ANO3: variants seen among roughly 807,000 people sequenced by gnomAD.
ANO3 encodes the protein anoctamin-3.
A neutral mutation model predicts 144.8 loss-of-function variants in ANO3; 99 were observed. That is an observed-to-expected ratio of 0.68 (90% confidence interval 0.58 to 0.81). The LOEUF (loss-of-function observed/expected upper bound fraction) is 0.81, where lower values mean the gene tolerates loss of function less well. Among genes scored for constraint, ANO3 ranks in the 30% least tolerant of loss-of-function variants. The pLI is 0.00. For missense variants in ANO3, 905 were observed against 1,202.2 expected (o/e 0.75, Z 3.66); for synonymous variants, 414 against 392.6 (o/e 1.05, Z -0.64).
chr11:26,274,102 T>C (rs954359729), intron 1 of ANO3, among the ~76,000 whole-genome samples: 9 of 152,162 alleles, frequency 5.9e-5, no homozygotes, highest in Non-Finnish European at 1.3e-4. Flanking sequence ...TGAAAATCTC[T>C]TCTGCTCACA....
At chr11:26,462,975 T>C in intron 3 of ANO3, 55 bp from the exon 4 acceptor site, 5 of 920,428 alleles carry the variant, frequency 5.4e-6, no homozygotes, top group Non-Finnish European at 8.1e-6. Flanking sequence ...GTATGTTTAA[T>C]GAAAAAAGAG....
At chr11:26,499,666 T>C (rs1444320714) in intron 4 of ANO3, among the ~76,000 whole-genome samples, 1 of 151,882 alleles carries the variant, frequency 6.6e-6, no homozygotes, top group Non-Finnish European at 1.5e-5. Flanking sequence ...ATGTTGCCTA[T>C]TCCTGCATGA....
intron 14 of ANO3, among the ~76,000 whole-genome samples, chr11:26,580,989 G>A (rs964198446): frequency 1.2e-4 from 18 of 152,130 alleles, no homozygotes; most frequent in African/African-American, 3.1e-4. Context: ...AGAAACTTAC[G>A]TAAACGTTTT....
chr11:26,560,665 A>G (rs1464306645), intron 14 of ANO3: 1 of 154,496 alleles, frequency 6.5e-6, no homozygotes, highest in Admixed American at 6.5e-5. Flanking sequence ...GCAATCTTGA[A>G]TTATGGTACT....
chr11:26,441,987 G>T lies in ANO3; in HGVS notation c.116G>T (p.Cys39Phe). The T allele has an allele frequency of 1.2e-6, 2 of 1,614,116 alleles. No individual in the cohort carries two copies. The highest frequency in any genetic ancestry group is 1.7e-6 in the Non-Finnish European group (2 of 1,180,002). ...AAACCGTCTCGGAGATCCCTGCCTTGCCTCGCCCAGAGCTACGCTTACTCA... is the reference window on the plus strand; with the variant it reads ...AAACCGTCTCGGAGATCCCTGCCTTTCCTCGCCCAGAGCTACGCTTACTCA... ...SLKPSRRSLPCLAQSYAYSKS... is the reference protein window; with the variant it reads ...SLKPSRRSLPFLAQSYAYSKS... Residue 39 changes from cysteine to phenylalanine, a missense_variant, in exon 2 of 27, where the codon TGC becomes TTC. Cys to Phe is a radical substitution (Grantham distance 205). Coordinates refer to ENST00000256737, the MANE Select transcript of ANO3 (RefSeq NM_031418.4).
intron 4 of ANO3, among the ~76,000 whole-genome samples, chr11:26,472,779 A>T (rs1016727576): frequency 2.6e-5 from 4 of 151,846 alleles, no homozygotes; most frequent in African/African-American, 7.2e-5. Flanking sequence ...TCATCTCCCC[A>T]TGTCATCTTT....
At chr11:26,258,634 A>G (rs11029444) in intron 1 of ANO3, among the ~76,000 whole-genome samples, 2,788 of 152,174 alleles carry the variant, frequency 0.018, 67 homozygotes, top group East Asian at 0.12. Context: ...AAATTATTGC[A>G]TCTCTCTCGA....
At chr11:26,189,673 A>G (rs1016074961) in intron 1 of ANO3, among the ~76,000 whole-genome samples, 11 of 152,210 alleles carry the variant, frequency 7.2e-5, no homozygotes, top group African/African-American at 2.7e-4. Context: ...TCTTAACCAT[A>G]AACTGCAAAG....
chr11:26,255,262 A>C (rs1364779747), intron 1 of ANO3, among the ~76,000 whole-genome samples: 8 of 152,096 alleles, frequency 5.3e-5, no homozygotes. Context: ...TCTCCATCTG[A>C]TGTTATTTCC....
At chr11:26,273,146 C>A (rs1261344907) in intron 1 of ANO3, among the ~76,000 whole-genome samples, 1 of 151,974 alleles carries the variant, frequency 6.6e-6, no homozygotes. Flanking sequence ...ACAATAAGAA[C>A]CCTTTTTTTG....
At chr11:26,566,650 G>T (rs763272356) in intron 14 of ANO3, among the ~76,000 whole-genome samples, 16 of 151,860 alleles carry the variant, frequency 1.1e-4, no homozygotes, top group Admixed American at 2.6e-4. Flanking sequence ...TGGTTGGGGT[G>T]TGTGTGGGAA....
chr11:26,209,585 G>T (rs888522225), intron 1 of ANO3, among the ~76,000 whole-genome samples: 2 of 75,508 alleles, frequency 2.6e-5, no homozygotes, highest in Non-Finnish European at 7.3e-5. Flanking sequence ...TTCCACAATG[G>T]TTGAACTAAT....
intron 1 of ANO3, among the ~76,000 whole-genome samples, chr11:26,427,669 A>G (rs7129064): frequency 0.15 from 22,709 of 152,134 alleles, 1,877 homozygotes; most frequent in South Asian, 0.3. Flanking sequence ...GTTAACTTGA[A>G]TACAACTAGT....
chr11:26,408,975 T>TG (rs1375613237), intron 1 of ANO3, among the ~76,000 whole-genome samples: 62 of 144,124 alleles, frequency 4.3e-4, no homozygotes, highest in African/African-American at 1.5e-3. Flanking sequence ...GGGACTGTTG[T>TG]GGGGTGGGGG....
chr11:26,544,251 C>CACATATATATATATATATATAT (rs1183023481), intron 11 of ANO3, among the ~76,000 whole-genome samples: 490 of 38,166 alleles, frequency 0.013, 23 homozygotes, highest in South Asian at 0.023. Flanking sequence ...TTTCATTATA[C>CACATATATATATATATATATAT]ATATATATAT....
intron 14 of ANO3, among the ~76,000 whole-genome samples, chr11:26,579,367 C>A (rs1851071844): frequency 6.6e-6 from 1 of 152,166 alleles, no homozygotes; most frequent in Non-Finnish European, 1.5e-5. Context: ...TGTGTACACT[C>A]TGAGGAAGAA....
chr11:26,447,434 T>C (rs542300569), intron 3 of ANO3, among the ~76,000 whole-genome samples: 1 of 152,228 alleles, frequency 6.6e-6, no homozygotes, highest in East Asian at 1.9e-4. Context: ...AGCTAGCCAA[T>C]GGAGAGCTGA....
chr11:26,634,943 G>A, intron 19 of ANO3, 70 bp from the exon 20 acceptor site: 2 of 1,296,136 alleles, frequency 1.5e-6, no homozygotes, highest in Non-Finnish European at 2.2e-6. Flanking sequence ...TGCACTCGTT[G>A]TGATGCCTAA....
intron 4 of ANO3, among the ~76,000 whole-genome samples, chr11:26,476,215 T>C (rs1859962818): frequency 6.6e-6 from 1 of 152,144 alleles, no homozygotes; most frequent in Admixed American, 6.6e-5. Flanking sequence ...GCAAAGCTTG[T>C]AGTCTAGTGG....
Sources: gnomAD v4.1 joint callset for allele counts (sites outside exome capture counted in the v4.1 genomes callset) on GRCh38, gnomAD v4.1.1 for gene constraint, MANE v1.5 for transcripts, NCBI Gene and HGNC (gene_info 2026-07-23, HGNC 2026-07-21) for gene names.